CCDC116: variants seen among roughly 807,000 people sequenced by gnomAD.
CCDC116 encodes coiled-coil domain containing 116, also known as coiled-coil domain-containing protein 116.
A neutral mutation model predicts 29.4 loss-of-function variants in CCDC116; 24 were observed. The observed-to-expected ratio is 0.82, with a 90% CI of 0.59 to 1.15. CCDC116 has a LOEUF of 1.15. Among genes scored for constraint, CCDC116 ranks in the 50% most tolerant of loss-of-function variants. The pLI is 0.00. For synonymous variants in CCDC116, 298 were observed against 331.4 expected, an observed-to-expected ratio of 0.90 and a Z score of 1.10; for missense variants, 791 against 804.0, an observed-to-expected ratio of 0.98 and a Z score of 0.20.
chr22:21,634,849 A>G lies in CCDC116; in HGVS notation c.786A>G (p.Glu262=), dbSNP rs1568997985. 1 of 1,613,946 alleles carries G rather than the reference A, an allele frequency of 6.2e-7. No individual in the cohort carries two copies. The part of the protein sequence containing the change: ...VPEASEPRPG[E]QEPIFRKREF... ...AAGCATCAGAGCCGAGGCCTGGAGA[A>G]CAGGAGCCAATCTTCCGCAAGCGAG... Residue 262 remains glutamate (E), a synonymous_variant, in exon 4 of 5, where the codon GAA becomes GAG. Coordinates refer to ENST00000292779, the MANE Select transcript of CCDC116 (RefSeq NM_152612.3).
Position 21,636,778 on chromosome 22 carries a change from C to T in CCDC116, c.1550C>T (p.Ser517Phe), listed in dbSNP as rs778000932. Residue 517 changes from serine (S) to phenylalanine (F), a missense_variant, in exon 5 of 5, where the codon TCC (serine) becomes TTC (phenylalanine). Ser to Phe is a radical substitution (Grantham distance 155). Coordinates refer to ENST00000292779, the MANE Select transcript of CCDC116 (RefSeq NM_152612.3). ...CGGCAGGCCTCCCGGCTCAGCACCT[C>T]CCACTGCAGCACAGAGACACCCTCT... ...RARQASRLST[S>F]HCSTETPSVQ... 5 of 1,612,834 alleles carry T rather than the reference C, an allele frequency of 3.1e-6. No homozygotes were observed. Among genetic ancestry groups the T allele is most frequent in the Non-Finnish European group, 4.2e-6 (5 of 1,179,986 alleles).
In CCDC116 at chr22:21,634,963, G is replaced by A. The variant is rs779149862; in HGVS notation, c.900G>A (p.Thr300=). The change falls in exon 4 of 5, where the codon ACG becomes ACA. Residue 300 remains threonine (T), a synonymous_variant. Coordinates refer to ENST00000292779, the MANE Select transcript of CCDC116 (RefSeq NM_152612.3). The part of the protein sequence containing the change: ...GYCPLREPHR[T]LNFLADHRLF... ...GTCCGCTCCGTGAGCCCCATCGCAC[G>A]CTGAACTTCCTGGCTGACCACCGCC... 26 of 1,612,894 alleles carry A rather than the reference G, an allele frequency of 1.6e-5. No individual in the cohort carries two copies. Among genetic ancestry groups the A allele is most frequent in the South Asian group, 3.3e-5 (3 of 91,084 alleles).
At chr22:21,635,370 GCTC>G (rs1403690872) in intron 4 of CCDC116, 104 bp downstream of exon 4, 8 of 1,038,022 alleles carry the variant, frequency 7.7e-6, no homozygotes, top group Non-Finnish European at 1.0e-5. Context: ...GTTTCCCTGA[GCTC>G]CAGCCAGAGG....
In CCDC116 at chr22:21,636,654, T is replaced by C. The variant is rs980501992; in HGVS notation, c.1426T>C (p.Ser476Pro). The C allele has an allele frequency of 6.8e-6, 11 of 1,614,040 alleles. No homozygotes were observed. Among genetic ancestry groups the C allele is most frequent in the Non-Finnish European group, 9.3e-6 (11 of 1,180,020 alleles). Residue 476 changes from serine to proline, a missense_variant, in exon 5 of 5, where the codon TCC (serine) becomes CCC (proline). Physicochemically the swap from Ser to Pro is moderately conservative, Grantham distance 74. Transcript: ENST00000292779. ...CATCACCCACGTGCTCAGGGACCTT[T>C]CCCTGGGCTTAAAGAAGGTAAAAGG... ...FPITHVLRDL[S>P]LGLKKVKGSR...
Position 21,634,863 on chromosome 22 carries a change from T to C in CCDC116, c.800T>C (p.Phe267Ser). The C allele has an allele frequency of 6.2e-7, 1 of 1,613,924 alleles. No homozygotes were observed. Among genetic ancestry groups the C allele is most frequent in the Non-Finnish European group, 8.5e-7 (1 of 1,180,022 alleles). ...EPRPGEQEPI[F>S]RKREFNKEIK... is the part of the protein sequence containing the mutation. ...AGGCCTGGAGAACAGGAGCCAATCTTCCGCAAGCGAGAGTTCAATAAGGAG... is the reference window on the plus strand; with the variant it reads ...AGGCCTGGAGAACAGGAGCCAATCTCCCGCAAGCGAGAGTTCAATAAGGAG... The change falls in exon 4 of 5, where the codon TTC becomes TCC. Residue 267 changes from phenylalanine (F) to serine (S), a missense_variant. Phe to Ser is a radical substitution (Grantham distance 155). Coordinates refer to ENST00000292779, the MANE Select transcript of CCDC116 (RefSeq NM_152612.3).
At chr22:21,635,745 G>T in intron 4 of CCDC116, 1 of 601,232 alleles carries the variant, frequency 1.7e-6, no homozygotes, top group Non-Finnish European at 3.0e-6. Flanking sequence ...CATGAATCCT[G>T]GCCTAGCTAT....
chr22:21,634,672 C>G lies in CCDC116; in HGVS notation c.622-13C>G, dbSNP rs773844662. On this transcript the variant is annotated splice_polypyrimidine_tract_variant and intron_variant, in intron 3 of 4. Transcript: ENST00000292779. ...GCTCCTGAACACTTCACAGAGTCACCCTCTTTCTGCAGAAAGGCCTCAGTC... is the reference window on the plus strand; with the variant it reads ...GCTCCTGAACACTTCACAGAGTCACGCTCTTTCTGCAGAAAGGCCTCAGTC... 11 of 1,587,014 alleles carry G rather than the reference C, an allele frequency of 6.9e-6. No individual in the cohort carries two copies. The highest frequency in any genetic ancestry group is 9.4e-6 in the Non-Finnish European group (11 of 1,164,142).
chr22:21,634,919 C>G lies in CCDC116; in HGVS notation c.856C>G (p.Leu286Val). The G allele has an allele frequency of 1.2e-6, 2 of 1,613,986 alleles. No homozygotes were observed. Among genetic ancestry groups the G allele is most frequent in the Non-Finnish European group, 1.7e-6 (2 of 1,180,036 alleles). ...GTCATTACTGAGCCAGCTGGAGTCC[C>G]TCGACCTGCCTGGCTACTGTCCGCT... Reference protein sequence around the residue: ...IKSLLSQLESLDLPGYCPLRE... With the variant: ...IKSLLSQLESVDLPGYCPLRE... The change falls in exon 4 of 5, where the codon CTC becomes GTC. Residue 286 changes from leucine to valine, a missense_variant. Transcript: ENST00000292779.
Position 21,635,132 on chromosome 22 carries a change from A to G in CCDC116, c.1069A>G (p.Thr357Ala), listed in dbSNP as rs1449832810. The G allele has an allele frequency of 6.2e-7, 1 of 1,604,496 alleles. No homozygotes were observed. Among genetic ancestry groups the G allele is most frequent in the Non-Finnish European group, 8.5e-7 (1 of 1,179,852 alleles). The change falls in exon 4 of 5, where the codon ACC becomes GCC. Residue 357 changes from threonine to alanine, a missense_variant. Transcript: ENST00000292779. ...PPLGSEPAKPTNGGQPYASPR... is the reference protein window; with the variant it reads ...PPLGSEPAKPANGGQPYASPR... ...TCTGGGCTCTGAGCCAGCTAAACCCACCAATGGCGGGCAGCCCTATGCTTC... is the reference window on the plus strand; with the variant it reads ...TCTGGGCTCTGAGCCAGCTAAACCCGCCAATGGCGGGCAGCCCTATGCTTC...
At position 21,636,457 on chromosome 22, in the gene CCDC116, C is replaced by G; in HGVS notation, c.1229C>G (p.Thr410Arg). The change falls in exon 5 of 5, where the codon ACG (threonine) becomes AGG (arginine). Residue 410 changes from threonine to arginine, a missense_variant. Physicochemically the swap from Thr to Arg is moderately conservative, Grantham distance 71. Transcript: ENST00000292779. ...LKSPCSSSRFTKKKPLPSISS... is the reference protein window; with the variant it reads ...LKSPCSSSRFRKKKPLPSISS... The stretch of plus-strand genomic sequence containing the variant: ...AGCCCCTGCAGCAGCAGCAGGTTCA[C>G]GAAGAAGAAGCCGCTGCCCTCCATC... 1 of 1,613,406 alleles carries G rather than the reference C, an allele frequency of 6.2e-7. No individual in the cohort carries two copies. Among genetic ancestry groups the G allele is most frequent in the Non-Finnish European group, 8.5e-7 (1 of 1,179,832 alleles).
At position 21,634,265 on chromosome 22, in the gene CCDC116, G is replaced by T. The variant is rs771821476; in HGVS notation, c.316G>T (p.Val106Leu). The part of the protein sequence containing the change: ...RMAAMKTEAG[V>L]PLVEVQDPVE... ...GGCTGCCATGAAGACGGAGGCTGGGGTGCCGCTTGTGGAGGTGCAGGACCC... is the reference window on the plus strand; with the variant it reads ...GGCTGCCATGAAGACGGAGGCTGGGTTGCCGCTTGTGGAGGTGCAGGACCC... Residue 106 changes from valine (V) to leucine (L), a missense_variant, in exon 3 of 5, where the codon GTG (valine) becomes TTG (leucine). Coordinates refer to ENST00000292779, the MANE Select transcript of CCDC116 (RefSeq NM_152612.3). 5 of 1,614,010 alleles carry T rather than the reference G, an allele frequency of 3.1e-6. No homozygotes were observed. In the East Asian group the frequency reaches 8.9e-5, roughly 29 times the overall value.
Position 21,637,302 on chromosome 22 carries a change from G to A in CCDC116, c.*232G>A. ...AAGAAATAGAAATAAAGCCTGTGTT[G>A]CTGGGACACAGGTTTGCTGTCCTGA... On this transcript the variant is annotated 3_prime_UTR_variant, in exon 5 of 5. Coordinates refer to ENST00000292779, the MANE Select transcript of CCDC116 (RefSeq NM_152612.3). The A allele has an allele frequency of 2.2e-6, 1 of 451,044 alleles. No homozygotes were observed. Among genetic ancestry groups the A allele is most frequent in the South Asian group, 4.4e-5 (1 of 22,664 alleles). 27.9% of individuals were successfully genotyped at this position (451,044 alleles called of 1,614,324 possible). A position where few individuals can be genotyped will look rare whatever the true frequency, so the allele number is the denominator to read the frequency against.
At chr22:21,636,293 C>T (rs1930795940) in intron 4 of CCDC116, 139 bp from the exon 5 acceptor site, 1 of 722,868 alleles carries the variant, frequency 1.4e-6, no homozygotes, top group African/African-American at 1.8e-5. Context: ...GTTTGTCACA[C>T]TAAGGGTACC....
rs1292749261 is a variant in CCDC116, at chr22:21,636,552, C to T, written c.1324C>T (p.Gln442Ter). 9 of 1,614,130 alleles carry T rather than the reference C, an allele frequency of 5.6e-6. No individual in the cohort carries two copies. Among genetic ancestry groups the T allele is most frequent in the African/African-American group, 1.3e-5 (1 of 75,042 alleles). ...GGAGCTCGCCGACTTCCTGACCCAG[C>T]AGGCAGCCTCCTTGGTCATCCGCAA... ...YEELADFLTQ[Q>*]AASLVIRKYE... Residue 442 changes from glutamine to a stop codon, truncating the protein, a stop_gained, in exon 5 of 5, where the codon CAG becomes TAG. Transcript: ENST00000292779. LOFTEE classifies it low-confidence loss of function (END_TRUNC).
Position 21,634,544 on chromosome 22 carries a change from C to T in CCDC116, c.595C>T (p.Arg199Trp), listed in dbSNP as rs12170285. Residue 199 changes from arginine (R) to tryptophan (W), a missense_variant, in exon 3 of 5, where the codon CGG (arginine) becomes TGG (tryptophan). Transcript: ENST00000292779. ...ACTCCTGCTGGAGAAGAACCTCAAGCGGCTGCTACAGCTGGAGAGGGAAGG... is the reference window on the plus strand; with the variant it reads ...ACTCCTGCTGGAGAAGAACCTCAAGTGGCTGCTACAGCTGGAGAGGGAAGG... ...DKLLLEKNLK[R>W]LLQLEREGKG... 53,537 of 1,606,834 alleles carry T rather than the reference C, an allele frequency of 0.033. 1,687 individuals are homozygous for T. Among genetic ancestry groups the T allele is most frequent in the African/African-American group, 0.17 (12,497 of 74,866 alleles).
rs138868031 is a variant in CCDC116, at chr22:21,636,487, C to T, written c.1259C>T (p.Ser420Leu). The T allele has an allele frequency of 1.3e-4, 215 of 1,613,824 alleles. 1 individual carries two copies. Among genetic ancestry groups the T allele is most frequent in the Admixed American group, 2.2e-4 (13 of 59,994 alleles). Residue 420 changes from serine (S) to leucine (L), a missense_variant, in exon 5 of 5, where the codon TCG becomes TTG. Ser to Leu is a moderately radical substitution (Grantham distance 145). Coordinates refer to ENST00000292779, the MANE Select transcript of CCDC116 (RefSeq NM_152612.3). The part of the protein sequence containing the change: ...TKKKPLPSIS[S>L]KSSMSHFSNR... ...AAGAAGCCGCTGCCCTCCATCTCGT[C>T]GAAGTCCAGCATGTCTCACTTCTCC...
intron 4 of CCDC116, 122 bp from the exon 5 acceptor site, chr22:21,636,310 T>C: frequency 2.4e-6 from 2 of 826,912 alleles, no homozygotes; most frequent in South Asian, 1.7e-5. Context: ...TACCCATTCA[T>C]GTTTGTGATG....
intron 3 of CCDC116, 27 bp from the exon 4 acceptor site, chr22:21,634,658 C>T: frequency 6.3e-7 from 1 of 1,579,534 alleles, no homozygotes. Context: ...CTCCTGAACA[C>T]TTCACAGAGT....
chr22:21,636,782 C>T lies in CCDC116; in HGVS notation c.1554C>T (p.His518=), dbSNP rs1222744756. The change falls in exon 5 of 5, where the codon CAC becomes CAT. Residue 518 remains histidine (H), a synonymous_variant. Transcript: ENST00000292779. The stretch of plus-strand genomic sequence containing the variant: ...AGGCCTCCCGGCTCAGCACCTCCCA[C>T]TGCAGCACAGAGACACCCTCTGTGC... ...ARQASRLSTS[H]CSTETPSVQQ... The T allele has an allele frequency of 3.7e-6, 6 of 1,612,892 alleles. No individual in the cohort carries two copies. Among genetic ancestry groups the T allele is most frequent in the Non-Finnish European group, 5.1e-6 (6 of 1,180,006 alleles).
Sources: allele counts gnomAD v4.1 joint callset, GRCh38; gene constraint gnomAD v4.1.1; transcripts MANE v1.5; gene names NCBI Gene and HGNC (gene_info 2026-07-23, HGNC 2026-07-21).